Variants in PI4KA observed in about 807,000 individuals in gnomAD.
The protein encoded by PI4KA is PI4-kinase alpha.
Under a neutral mutation model 271.4 loss-of-function variants are expected in PI4KA, and 122 were observed. The ratio of observed to expected loss-of-function variants is 0.45; its 90% confidence interval spans 0.39 to 0.52. The LOEUF (loss-of-function observed/expected upper bound fraction) is 0.52. Among genes scored for constraint, PI4KA ranks in the 20% least tolerant of loss-of-function variants. PI4KA has a pLI of 0.00. For missense variants in PI4KA, 1,969 were observed against 2,769.1 expected (o/e 0.71, Z 6.48); for synonymous variants, 1,041 against 1,078.8 (o/e 0.96, Z 0.69).
chr22:20,851,643 G>C (rs1926994402), intron 1 of PI4KA, among the ~76,000 whole-genome samples: 1 of 152,072 alleles, frequency 6.6e-6, no homozygotes, highest in African/African-American at 2.4e-5. Context: ...CGGCTGCGTT[G>C]GTTATCCTGA....
At position 20,742,299 on chromosome 22, in the gene PI4KA, C is replaced by T; in HGVS notation, c.3670G>A (p.Glu1224Lys). 3 of 1,614,204 alleles carry T rather than the reference C, an allele frequency of 1.9e-6. No homozygotes were observed. The highest frequency in any genetic ancestry group is 1.7e-6 in the Non-Finnish European group (2 of 1,180,026). The part of the protein sequence containing the change: ...LCWGPLRMFN[E>K]HGMETALACW... ...GCCAGGGCCGTCTCCATGCCATGCT[C>T]ATTGAACATCCGGAGGGGACCCCAG... The change falls in exon 32 of 55, where the codon GAG (glutamate) becomes AAG (lysine). Residue 1224 changes from glutamate to lysine, a missense_variant. Around this residue, in one of 13 missense-constraint regions of PI4KA, gnomAD observed 203 missense variants for 256.8 expected, o/e 0.79. Coordinates refer to ENST00000255882, the MANE Select transcript of PI4KA (RefSeq NM_058004.4).
At position 20,811,049 on chromosome 22, in the gene PI4KA, A is replaced by AGCTTCAGCTT. The variant is rs1298363402; in HGVS notation, c.1006-18_1006-17insAAGCTGAAGC. On this transcript the variant is annotated splice_polypyrimidine_tract_variant and intron_variant, in intron 8 of 54. Coordinates refer to ENST00000255882, the MANE Select transcript of PI4KA (RefSeq NM_058004.4). ...CTTCTTCACCTACCAAGGAAACAGA[A>AGCTTCAGCTT]CCTCATGAAGCAACTGACATACACA... is the stretch of plus-strand genomic sequence containing the variant. The AGCTTCAGCTT allele has an allele frequency of 6.2e-7, 1 of 1,600,598 alleles. No individual in the cohort carries two copies. Among genetic ancestry groups the AGCTTCAGCTT allele is most frequent in the Non-Finnish European group, 8.6e-7 (1 of 1,167,664 alleles).
At chr22:20,739,415 C>T (rs1454904382) in intron 32 of PI4KA, among the ~76,000 whole-genome samples, 1 of 149,740 alleles carries the variant, frequency 6.7e-6, no homozygotes, top group Non-Finnish European at 1.5e-5. Flanking sequence ...AGCAGAATCA[C>T]TTGAGCTCAG....
chr22:20,749,068 G>A (rs904123776), intron 28 of PI4KA, among the ~76,000 whole-genome samples: 1 of 152,214 alleles, frequency 6.6e-6, no homozygotes, highest in Non-Finnish European at 1.5e-5. Context: ...AGGCATTAGA[G>A]GGGGCCTCCC....
At chr22:20,709,882 G>C in intron 53 of PI4KA, 26 bp downstream of exon 53, 1 of 1,247,042 alleles carries the variant, frequency 8.0e-7, no homozygotes, top group Non-Finnish European at 1.2e-6. Flanking sequence ...CCCCCAGATG[G>C]CCTGCGTGTC....
chr22:20,767,400 C>T (rs1292871001), intron 19 of PI4KA, among the ~76,000 whole-genome samples: 1 of 151,456 alleles, frequency 6.6e-6, no homozygotes, highest in East Asian at 2.0e-4. Context: ...GCCAAGATGG[C>T]GCTACTGCAC....
Position 20,765,576 on chromosome 22 carries a change from TCCCCCTAC to T in PI4KA, c.2437+1_2437+8del. 1 of 1,550,920 alleles carries T rather than the reference TCCCCCTAC, an allele frequency of 6.4e-7. No homozygotes were observed. The highest frequency in any genetic ancestry group is 8.9e-7 in the Non-Finnish European group (1 of 1,123,734). Reference sequence around the variant, plus strand: ...TCCGTCTTCACTGGGAGAGAGATGATCCCCCTACCTGAGCCCTCCACAGCGAATCCCAT... The same window carrying T: ...TCCGTCTTCACTGGGAGAGAGATGATCTGAGCCCTCCACAGCGAATCCCAT... On this transcript the variant is annotated splice_donor_variant and splice_donor_5th_base_variant and intron_variant, in intron 20 of 54. Coordinates refer to ENST00000255882, the MANE Select transcript of PI4KA (RefSeq NM_058004.4). LOFTEE classifies it high-confidence loss of function.
chr22:20,812,397 C>T (rs1921162398), intron 8 of PI4KA, among the ~76,000 whole-genome samples: 1 of 152,172 alleles, frequency 6.6e-6, no homozygotes, highest in Non-Finnish European at 1.5e-5. Flanking sequence ...GTGGCCACTC[C>T]TCAGCACATG....
intron 1 of PI4KA, among the ~76,000 whole-genome samples, chr22:20,847,778 G>A (rs1434274198): frequency 6.7e-6 from 1 of 149,634 alleles, no homozygotes; most frequent in Non-Finnish European, 1.5e-5. Flanking sequence ...AAAAAAACCA[G>A]TAGAACAATT....
chr22:20,736,024 A>G (rs1401754611), intron 32 of PI4KA, among the ~76,000 whole-genome samples: 14 of 152,198 alleles, frequency 9.2e-5, no homozygotes, highest in Admixed American at 9.2e-4. Flanking sequence ...ATGACCACAC[A>G]GTCTATGGTG....
chr22:20,809,323 GAGTA>G (rs1935862378), intron 9 of PI4KA, among the ~76,000 whole-genome samples: 1 of 152,086 alleles, frequency 6.6e-6, no homozygotes, highest in Admixed American at 6.6e-5. Context: ...AGGAGTGAGT[GAGTA>G]AAGTTCTGGC....
intron 4 of PI4KA, 74 bp from the exon 5 acceptor site, chr22:20,820,685 T>C: frequency 8.7e-6 from 9 of 1,037,530 alleles, no homozygotes; most frequent in Middle Eastern, 2.1e-4. Context: ...TAAGTCAGAA[T>C]TAGAAGGCAC....
chr22:20,761,233 G>T (rs190040865), intron 23 of PI4KA, 71 bp downstream of exon 23: 22 of 840,966 alleles, frequency 2.6e-5, no homozygotes, highest in Non-Finnish European at 3.7e-5. Context: ...AGACAGAAAA[G>T]AGGAAGTAGT....
At chr22:20,723,338 T>C (rs1043434936) in intron 42 of PI4KA, among the ~76,000 whole-genome samples, 1 of 152,130 alleles carries the variant, frequency 6.6e-6, no homozygotes, top group African/African-American at 2.4e-5. Context: ...CCTTTTTTTG[T>C]AAAAGTATAA....
chr22:20,753,410 G>A (rs563534055), intron 23 of PI4KA, among the ~76,000 whole-genome samples: 1 of 152,098 alleles, frequency 6.6e-6, no homozygotes, highest in East Asian at 1.9e-4. Context: ...CTAAACTTCA[G>A]ACTTCGTCTG....
chr22:20,755,301 A>G, intron 23 of PI4KA, among the ~76,000 whole-genome samples: 1 of 152,154 alleles, frequency 6.6e-6, no homozygotes, highest in African/African-American at 2.4e-5. Context: ...GACAGGCCCC[A>G]TGTCTTGTCT....
chr22:20,747,880 G>T (rs1382902972), intron 28 of PI4KA, among the ~76,000 whole-genome samples, 178 bp from the exon 29 acceptor site: 4 of 151,088 alleles, frequency 2.6e-5, no homozygotes, highest in Non-Finnish European at 5.9e-5. Context: ...GACTATAGGG[G>T]CACGCCACTA....
chr22:20,769,206 T>G (rs1373194783), intron 19 of PI4KA, among the ~76,000 whole-genome samples: 1 of 152,178 alleles, frequency 6.6e-6, no homozygotes, highest in Non-Finnish European at 1.5e-5. Flanking sequence ...TATCTTTGAT[T>G]TGGGATCCTA....
At chr22:20,786,960 C>T in intron 19 of PI4KA, 3 of 1,614,196 alleles carry the variant, frequency 1.9e-6, no homozygotes, top group Non-Finnish European at 2.5e-6. Context: ...CCGCTGTCCA[C>T]CCAAGTCCGC....
Sources: gnomAD v4.1 joint callset for allele counts (sites outside exome capture counted in the v4.1 genomes callset) on GRCh38, gnomAD v4.1.1 for gene constraint, gnomAD v4.1.1 regional missense constraint, MANE v1.5 for transcripts, NCBI Gene and HGNC (gene_info 2026-07-23, HGNC 2026-07-21) for gene names.